DCDC2C: variants seen among roughly 807,000 people sequenced by gnomAD.
DCDC2C encodes doublecortin domain-containing protein 2C.
A neutral mutation model predicts 45.0 loss-of-function variants in DCDC2C; 44 were observed. That is an observed-to-expected ratio of 0.98 (90% CI 0.77 to 1.26). The LOEUF is 1.26. DCDC2C is among the 50% of genes most tolerant of loss of function. The pLI is 0.00. For missense variants in DCDC2C, 447 were observed against 468.9 expected, an observed-to-expected ratio of 0.95 and a Z score of 0.43; for synonymous variants, 187 against 178.8, an observed-to-expected ratio of 1.05 and a Z score of -0.37.
At chr2:3,707,402 T>C (rs548061419) in intron 1 of DCDC2C, among the ~76,000 whole-genome samples, 27 of 152,326 alleles carry the variant, frequency 1.8e-4, no homozygotes, top group Admixed American at 1.4e-3. Context: ...AAATATTTAT[T>C]TGGAAAACAG....
At chr2:3,844,820 G>A (rs1473940553) in intron 10 of DCDC2C, among the ~76,000 whole-genome samples, 1 of 152,164 alleles carries the variant, frequency 6.6e-6, no homozygotes, top group East Asian at 1.9e-4. Flanking sequence ...GCCCGCTGGG[G>A]CCGACCTTCC....
At chr2:3,709,767 G>C (rs111990383) in intron 2 of DCDC2C, among the ~76,000 whole-genome samples, 1,876 of 152,304 alleles carry the variant, frequency 0.012, 42 homozygotes, top group African/African-American at 0.042. Flanking sequence ...ATATTTGTTA[G>C]AGTTTGAGTC....
Position 3,703,910 on chromosome 2 carries a change from G to C in DCDC2C, c.159G>C (p.Gln53His), listed in dbSNP as rs756496393. ...FEALLEQLTE[Q>H]VDVPFGVRRL... The stretch of plus-strand genomic sequence containing the variant: ...CGCTGCTGGAGCAGCTCACGGAGCA[G>C]GTGGACGTCCCGTTCGGCGTGCGCC... Residue 53 changes from glutamine to histidine, a missense_variant, in exon 1 of 11, where the codon CAG (glutamine) becomes CAC (histidine). By Grantham distance (24) the Gln-to-His change is conservative. Transcript: ENST00000399143. This position sits in a 1 kb window ranked among gnomAD's most constrained non-coding sequence, Gnocchi z 4.4. 5.2e-6 allele frequency: 7 copies of C among 1,343,682 alleles called. 1 individual carries two copies. In the South Asian group the frequency reaches 7.4e-5, roughly 14 times the overall value. The allele number at this position is 1,343,682 out of a possible 1,614,324, so 83.2% of individuals were successfully genotyped here.
At chr2:3,804,725 G>A (rs1671191082) in intron 10 of DCDC2C, among the ~76,000 whole-genome samples, 1 of 152,124 alleles carries the variant, frequency 6.6e-6, no homozygotes, top group Non-Finnish European at 1.5e-5. Context: ...TAACAGACAT[G>A]GTCTTCACAT....
intron 3 of DCDC2C, among the ~76,000 whole-genome samples, chr2:3,738,206 T>C (rs567122935): frequency 1.5e-4 from 23 of 152,352 alleles, no homozygotes; most frequent in African/African-American, 4.8e-4. Context: ...CAGTGCACCA[T>C]TGACAGTTCA....
intron 10 of DCDC2C, among the ~76,000 whole-genome samples, chr2:3,837,611 A>G (rs1672112588): frequency 1.9e-5 from 2 of 102,778 alleles, no homozygotes; most frequent in South Asian, 3.6e-4. Flanking sequence ...CTAAAGGGGA[A>G]GAAACTGAGG....
intron 10 of DCDC2C, among the ~76,000 whole-genome samples, chr2:3,841,890 T>C (rs1431903442): frequency 2.0e-5 from 3 of 152,220 alleles, no homozygotes; most frequent in African/African-American, 7.2e-5. Flanking sequence ...TTTTATGTGA[T>C]GATGAGTATC....
intron 6 of DCDC2C, among the ~76,000 whole-genome samples, chr2:3,762,591 C>T (rs957597734): frequency 1.1e-4 from 17 of 151,924 alleles, no homozygotes; most frequent in East Asian, 9.7e-4. Flanking sequence ...GAGAGAGAGT[C>T]GGGGGGAGCA....
intron 3 of DCDC2C, among the ~76,000 whole-genome samples, chr2:3,731,976 C>T (rs893129643): frequency 2.0e-5 from 3 of 152,046 alleles, no homozygotes; most frequent in South Asian, 4.1e-4. Flanking sequence ...AGTTTCAGGA[C>T]TGAGTACGGT....
chr2:3,736,301 T>C (rs555247617), intron 3 of DCDC2C, among the ~76,000 whole-genome samples: 1 of 152,214 alleles, frequency 6.6e-6, no homozygotes, highest in East Asian at 1.9e-4. Flanking sequence ...CCCACAGAAA[T>C]GTTTTGAGGT....
At chr2:3,753,323 C>T (rs1268691877) in intron 5 of DCDC2C, among the ~76,000 whole-genome samples, 2 of 152,198 alleles carry the variant, frequency 1.3e-5, no homozygotes, top group Non-Finnish European at 2.9e-5. Flanking sequence ...TGAAAAAAGC[C>T]ATGATTTTTG....
At chr2:3,833,628 A>G (rs1441915542) in intron 10 of DCDC2C, among the ~76,000 whole-genome samples, 1 of 152,214 alleles carries the variant, frequency 6.6e-6, no homozygotes, top group Non-Finnish European at 1.5e-5. Context: ...AACTGAGACT[A>G]TGTATTGATT....
rs977557152 is a variant in DCDC2C, at chr2:3,842,588, G to T, written c.1066-4566G>T. The stretch of plus-strand genomic sequence containing the variant: ...TGAGGAAGATGGAGATACAGACAAG[G>T]TTCAGCTTTTAAGGTCCATCAGTGA... On this transcript the variant is annotated intron_variant, in intron 10 of 10. Coordinates refer to ENST00000399143, the MANE Select transcript of DCDC2C (RefSeq NM_001287444.2). 2.0e-5 allele frequency among the ~76,000 whole-genome samples: 3 copies of T among 147,594 alleles called. No individual in the cohort carries two copies. In the East Asian group the frequency reaches 6.0e-4, roughly 29 times the overall value.
chr2:3,827,773 A>G (rs1037696023), intron 10 of DCDC2C, among the ~76,000 whole-genome samples: 1 of 152,126 alleles, frequency 6.6e-6, no homozygotes, highest in Non-Finnish European at 1.5e-5. Context: ...TTAAAATATA[A>G]AGATGCTATT....
chr2:3,734,742 C>T lies in DCDC2C; in HGVS notation c.417-7178C>T, dbSNP rs886112667. Among the ~76,000 whole-genome samples the T allele has an allele frequency of 7.9e-5, 12 of 152,088 alleles. No homozygotes were observed. Among genetic ancestry groups the T allele is most frequent in the African/African-American group, 1.2e-4 (5 of 41,408 alleles). On this transcript the variant is annotated intron_variant, in intron 3 of 10. Transcript: ENST00000399143. The surrounding 1 kb of genome is among the most constrained non-coding windows in gnomAD (Gnocchi z 4.2). ...CAAGTCCTGAGCTCGGTGAAGCTCT[C>T]GCAATCCACGTTTTTATGTTTTGGG...
intron 3 of DCDC2C, among the ~76,000 whole-genome samples, chr2:3,737,873 T>A (rs1453094460): frequency 2.0e-5 from 3 of 152,232 alleles, no homozygotes; most frequent in Non-Finnish European, 4.4e-5. Flanking sequence ...TAAAATGTTT[T>A]ATTTTCCTCC....
At chr2:3,765,723 C>T (rs1373220922) in intron 6 of DCDC2C, among the ~76,000 whole-genome samples, 1 of 152,192 alleles carries the variant, frequency 6.6e-6, no homozygotes, top group Non-Finnish European at 1.5e-5. Context: ...AACCAACATC[C>T]TTGCCCTTGG....
chr2:3,732,139 G>A (rs1014179505), intron 3 of DCDC2C, among the ~76,000 whole-genome samples: 1 of 152,152 alleles, frequency 6.6e-6, no homozygotes, highest in Non-Finnish European at 1.5e-5. Context: ...GGCTGGATGT[G>A]GTTCGGGGGA....
intron 10 of DCDC2C, among the ~76,000 whole-genome samples, chr2:3,798,404 C>A (rs1671020329): frequency 6.6e-6 from 1 of 151,024 alleles, no homozygotes; most frequent in Non-Finnish European, 1.5e-5. Context: ...TGAATTTGAT[C>A]CTGTCATGAT....
Sources: allele counts gnomAD v4.1 joint callset (sites outside exome capture counted in the v4.1 genomes callset), GRCh38; gene constraint gnomAD v4.1.1; non-coding constraint Gnocchi (gnomAD v3.1); transcripts MANE v1.5; gene names NCBI Gene and HGNC (gene_info 2026-07-23, HGNC 2026-07-21).